NRXN3: variants seen among roughly 807,000 people sequenced by gnomAD.
The protein encoded by NRXN3 is neurexin 3, also known as neurexin III.
Under a neutral mutation model 137.6 loss-of-function variants are expected in NRXN3, and 32 were observed. The observed-to-expected ratio is 0.23, with a 90% CI of 0.18 to 0.31. The LOEUF is 0.31. NRXN3 is among the 10% of genes least tolerant of loss of function. The pLI, the probability that NRXN3 is intolerant of heterozygous loss-of-function variation, is 1.00. For synonymous variants in NRXN3, 798 were observed against 784.5 expected (o/e 1.02, Z -0.29); for missense variants, 1,574 against 2,062.5 (o/e 0.76, Z 4.59).
intron 4 of NRXN3, among the ~76,000 whole-genome samples, chr14:78,433,521 C>A (rs1175214707): frequency 1.3e-5 from 2 of 152,054 alleles, no homozygotes; most frequent in African/African-American, 4.8e-5. Context: ...AGAGTTGGGA[C>A]CTTTAAGAGG....
At chr14:78,222,859 T>C (rs934820510) in intron 1 of NRXN3, among the ~76,000 whole-genome samples, 1 of 152,236 alleles carries the variant, frequency 6.6e-6, no homozygotes, top group Non-Finnish European at 1.5e-5. Flanking sequence ...ACTTGTCTTA[T>C]TCATAGCTTT....
At position 78,190,652 on chromosome 14, in the gene NRXN3, T is replaced by TTTACTTAC. The variant is rs200502082; in HGVS notation, c.-704+19990_-704+19997dup. Among the ~76,000 whole-genome samples the TTTACTTAC allele has an allele frequency of 4.9e-3, 331 of 67,464 alleles. 2 individuals are homozygous for TTTACTTAC. The highest frequency in any genetic ancestry group is 0.037 in the East Asian group (124 of 3,360). The allele number at this position is 67,464 out of a possible 152,430, so 44.3% of individuals were successfully genotyped here. A position where few individuals can be genotyped will look rare whatever the true frequency, so the allele number is the denominator to read the frequency against. On this transcript the variant is annotated intron_variant, in intron 1 of 20. Transcript: ENST00000335750. Reference sequence around the variant, plus strand: ...ATTTATTTATTTATTTATTTATTTATTTACTTACTTACTTACTTAATTACT... The same window carrying TTTACTTAC: ...ATTTATTTATTTATTTATTTATTTATTTACTTACTTACTTACTTACTTACTTAATTACT...
intron 16 of NRXN3, among the ~76,000 whole-genome samples, chr14:79,593,405 C>T (rs746121233): frequency 6.6e-6 from 1 of 151,886 alleles, no homozygotes; most frequent in Non-Finnish European, 1.5e-5. Flanking sequence ...CCGAGGCGTG[C>T]GGATCACCAG....
intron 15 of NRXN3, among the ~76,000 whole-genome samples, chr14:79,292,226 TG>T (rs750581312): frequency 2.6e-5 from 4 of 152,190 alleles, no homozygotes; most frequent in Non-Finnish European, 5.9e-5. Flanking sequence ...AAACAGCCTT[TG>T]GAAACTCACA....
chr14:78,477,551 A>T (rs1197968588), intron 4 of NRXN3, among the ~76,000 whole-genome samples: 1 of 152,224 alleles, frequency 6.6e-6, no homozygotes, highest in Non-Finnish European at 1.5e-5. Flanking sequence ...TTTTAGAATG[A>T]AAATTTGTTT....
intron 16 of NRXN3, among the ~76,000 whole-genome samples, chr14:79,570,845 G>A (rs1463592952): frequency 6.6e-6 from 1 of 152,184 alleles, no homozygotes; most frequent in African/African-American, 2.4e-5. Context: ...CCTTCTTGCT[G>A]TATTCTCATA....
At chr14:79,314,307 C>CA (rs1302191604) in intron 15 of NRXN3, among the ~76,000 whole-genome samples, 1 of 106,188 alleles carries the variant, frequency 9.4e-6, no homozygotes, top group African/African-American at 3.8e-5. Flanking sequence ...GGGTGACGGA[C>CA]GCACCTGGAA....
At chr14:78,361,645 A>G (rs1455321555) in intron 4 of NRXN3, among the ~76,000 whole-genome samples, 2 of 152,144 alleles carry the variant, frequency 1.3e-5, no homozygotes, top group East Asian at 3.8e-4. Context: ...AATCAATACC[A>G]AGATTTATTG....
chr14:78,561,232 C>A (rs2096783760), intron 4 of NRXN3, among the ~76,000 whole-genome samples: 1 of 152,116 alleles, frequency 6.6e-6, no homozygotes, highest in South Asian at 2.1e-4. Flanking sequence ...ATGTTCTTAC[C>A]ATTTTCATTG....
At chr14:78,991,538 T>C (rs1398862055) in intron 15 of NRXN3, among the ~76,000 whole-genome samples, 1 of 152,180 alleles carries the variant, frequency 6.6e-6, no homozygotes, top group Non-Finnish European at 1.5e-5. Flanking sequence ...AACAGATTGA[T>C]CCTCAATTAA....
intron 19 of NRXN3, among the ~76,000 whole-genome samples, chr14:79,763,414 G>GTTATACATTCTATAATTATACACCCA (rs2099045575): frequency 3.0e-5 from 2 of 67,046 alleles, no homozygotes; most frequent in African/African-American, 9.1e-5. Flanking sequence ...TAATCCTTTG[G>GTTATACATTCTATAATTATACACCCA]GTATACACCC....
chr14:79,590,021 G>A (rs952040090), intron 16 of NRXN3, among the ~76,000 whole-genome samples: 4 of 151,998 alleles, frequency 2.6e-5, no homozygotes, highest in African/African-American at 9.7e-5. Flanking sequence ...TTCTTTTGCT[G>A]TATTGGAGTC....
intron 4 of NRXN3, among the ~76,000 whole-genome samples, chr14:78,382,088 G>A (rs1390143322): frequency 6.6e-6 from 1 of 152,098 alleles, no homozygotes; most frequent in African/African-American, 2.4e-5. Context: ...CTGGATAAAG[G>A]ATCCTTTGGA....
chr14:78,595,770 C>T (rs2097153163), intron 4 of NRXN3, among the ~76,000 whole-genome samples: 1 of 152,078 alleles, frequency 6.6e-6, no homozygotes, highest in African/African-American at 2.4e-5. Context: ...GAATTGAGGT[C>T]CAAACTCCTA....
chr14:79,591,682 C>CACTT (rs1403605429), intron 16 of NRXN3, among the ~76,000 whole-genome samples: 1 of 152,130 alleles, frequency 6.6e-6, no homozygotes, highest in African/African-American at 2.4e-5. Flanking sequence ...AAGAGATTTT[C>CACTT]ACTTATTGAT....
rs1043963402 is a variant in NRXN3, at chr14:78,243,111, C to T, written c.18C>T (p.His6=). 1.3e-6 allele frequency: 2 copies of T among 1,533,540 alleles called. No homozygotes were observed. The highest frequency in any genetic ancestry group is 1.4e-5 in the African/African-American group (1 of 73,134). The allele number at this position is 1,533,540 out of a possible 1,614,324, so 95.0% of individuals were successfully genotyped here. The stretch of plus-strand genomic sequence containing the variant: ...CAGCGACAATGAGCTCCACACTCCA[C>T]TCGGTTTTCTTCACCCTGAAGGTCA... The part of the protein sequence containing the change: MSSTL[H]SVFFTLKVSI... The change falls in exon 2 of 21, where the codon CAC becomes CAT. Residue 6 remains histidine (H), a synonymous_variant. Coordinates refer to ENST00000335750, the MANE Select transcript of NRXN3 (RefSeq NM_001330195.2). The surrounding 1 kb of genome is among the most constrained non-coding windows in gnomAD (Gnocchi z 4.2).
chr14:78,931,308 A>G (rs930822653), intron 10 of NRXN3, among the ~76,000 whole-genome samples: 6 of 152,184 alleles, frequency 3.9e-5, no homozygotes, highest in Non-Finnish European at 8.8e-5. Context: ...CGTCTAAAGA[A>G]TCAGTAACAT....
At chr14:79,638,207 A>T (rs1644188848) in intron 16 of NRXN3, among the ~76,000 whole-genome samples, 1 of 152,120 alleles carries the variant, frequency 6.6e-6, no homozygotes, top group African/African-American at 2.4e-5. Context: ...CCAAATAATC[A>T]TGTTTATTAG....
At chr14:78,399,041 T>C (rs982806319) in intron 4 of NRXN3, among the ~76,000 whole-genome samples, 4 of 152,224 alleles carry the variant, frequency 2.6e-5, no homozygotes, top group African/African-American at 9.6e-5. Context: ...TTTTTTGTCT[T>C]CCTGGTTCTT....
Sources: allele counts gnomAD v4.1 joint callset (sites outside exome capture counted in the v4.1 genomes callset), GRCh38; gene constraint gnomAD v4.1.1; non-coding constraint Gnocchi (gnomAD v3.1); transcripts MANE v1.5; gene names NCBI Gene and HGNC (gene_info 2026-07-23, HGNC 2026-07-21).